The following C20orf144 variants were observed in gnomAD, a reference collection of about 807,000 sequenced individuals.
The protein encoded by C20orf144 is chromosome 20 open reading frame 144, also known as uncharacterized protein C20orf144.
In C20orf144, 8 loss-of-function variants were observed where a neutral mutation model predicts 3.8. That is an observed-to-expected ratio of 2.11 (90% CI 1.24 to 3.80). The LOEUF (loss-of-function observed/expected upper bound fraction) is 3.80. C20orf144 is among the 30% of genes most tolerant of loss of function. The pLI is 0.00. For missense variants in C20orf144, 289 were observed against 224.5 expected, an observed-to-expected ratio of 1.29 and a Z score of -1.83; for synonymous variants, 126 against 104.1, an observed-to-expected ratio of 1.21 and a Z score of -1.28.
Position 33,663,698 on chromosome 20 carries a change from T to A in C20orf144, c.293T>A (p.Leu98Gln). 1.9e-6 allele frequency: 3 copies of A among 1,570,284 alleles called. No homozygotes were observed. Among genetic ancestry groups the A allele is most frequent in the Non-Finnish European group, 2.6e-6 (3 of 1,165,150 alleles). Reference protein sequence around the residue: ...EREPRMPVLLLLRRQEARRPE... With the variant: ...EREPRMPVLLQLRRQEARRPE... Reference sequence around the variant, plus strand: ...GAGCCGAGGATGCCGGTACTGCTGCTGCTGCGGCGGCAAGAGGCGCGGCGG... The same window carrying A: ...GAGCCGAGGATGCCGGTACTGCTGCAGCTGCGGCGGCAAGAGGCGCGGCGG... The change falls in exon 2 of 2, where the codon CTG (leucine) becomes CAG (glutamine). Residue 98 changes from leucine to glutamine, a missense_variant. Physicochemically the swap from Leu to Gln is moderately radical, Grantham distance 113. Coordinates refer to ENST00000375222, the MANE Select transcript of C20orf144 (RefSeq NM_080825.4).
chr20:33,662,747 C>T, intron 1 of C20orf144: 1 of 395,030 alleles, frequency 2.5e-6, no homozygotes, highest in Non-Finnish European at 4.6e-6. Context: ...TGAGATTGGC[C>T]TGGGCAACAT....
At position 33,662,591 on chromosome 20, in the gene C20orf144, G is replaced by A. The variant is rs927229033; in HGVS notation, c.126+120G>A. 7 of 1,193,756 alleles carry A rather than the reference G, an allele frequency of 5.9e-6. No homozygotes were observed. The African/African-American group carries it at 7.7e-5, about 13-fold the overall frequency. 73.9% of individuals were successfully genotyped at this position (1,193,756 alleles called of 1,614,324 possible). On this transcript the variant is annotated intron_variant, in intron 1 of 1. Transcript: ENST00000375222. ...CTTGTATGCAGAAGTCCTAGGGGGTGAGGGAGGAATTCGAAAATCTCTCCC... is the reference window on the plus strand; with the variant it reads ...CTTGTATGCAGAAGTCCTAGGGGGTAAGGGAGGAATTCGAAAATCTCTCCC...
rs2017510116 is a variant in C20orf144, at chr20:33,662,465, G to A, written c.120G>A (p.Lys40=). Residue 40 remains lysine (K), a synonymous_variant, in exon 1 of 2, where the codon AAG becomes AAA. Transcript: ENST00000375222. ...KSFLNHLTRK[K]PATRIVLILP... ...TCCTCAACCACCTCACTCGGAAGAA[G>A]CCGGCTGTGAGGGCGGGGGATGGGG... 6.4e-7 allele frequency: 1 copy of A among 1,551,610 alleles called. No individual in the cohort carries two copies. Among genetic ancestry groups the A allele is most frequent in the African/African-American group, 1.4e-5 (1 of 73,118 alleles).
intron 1 of C20orf144, chr20:33,663,291 G>C (rs1212963289): frequency 1.8e-6 from 1 of 559,194 alleles, no homozygotes; most frequent in Non-Finnish European, 3.1e-6. Flanking sequence ...GTCAGCCTGG[G>C]ATGGATGAGG....
Position 33,663,693 on chromosome 20 carries a change from G to A in C20orf144, c.288G>A (p.Leu96=), listed in dbSNP as rs2017560530. 6.4e-7 allele frequency: 1 copy of A among 1,573,410 alleles called. No individual in the cohort carries two copies. The highest frequency in any genetic ancestry group is 1.1e-5 in the South Asian group (1 of 87,994). ...AGCGCGAGCCGAGGATGCCGGTACT[G>A]CTGCTGCTGCGGCGGCAAGAGGCGC... is the stretch of plus-strand genomic sequence containing the variant. The part of the protein sequence containing the change: ...GSEREPRMPV[L]LLLRRQEARR... The change falls in exon 2 of 2, where the codon CTG becomes CTA. Residue 96 remains leucine (L), a synonymous_variant. Coordinates refer to ENST00000375222, the MANE Select transcript of C20orf144 (RefSeq NM_080825.4).
intron 1 of C20orf144, 29 bp downstream of exon 1, chr20:33,662,500 G>T (rs1211381794): frequency 1.3e-6 from 2 of 1,548,682 alleles, no homozygotes; most frequent in African/African-American, 2.7e-5. Flanking sequence ...GAGCAGGGCT[G>T]GGGAGGCAGC....
intron 1 of C20orf144, 197 bp from the exon 2 acceptor site, chr20:33,663,335 C>A (rs2017541145): frequency 6.8e-6 from 4 of 588,226 alleles, no homozygotes; most frequent in Admixed American, 6.9e-5. Context: ...CGGGGCGCCA[C>A]GCAGGGAAGG....
Position 33,663,831 on chromosome 20 carries a change from G to C in C20orf144, c.426G>C (p.Pro142=). ...AAGCCGGCCCCGCCGAGGAGCAGCC[G>C]CGCAAACGGTGCCGCTGCCCTCGCC... ...PREAGPAEEQ[P]RKRCRCPRPQ... The change falls in exon 2 of 2, where the codon CCG becomes CCC. Residue 142 remains proline (P), a synonymous_variant. Transcript: ENST00000375222. The C allele has an allele frequency of 4.3e-6, 6 of 1,398,864 alleles. No individual in the cohort carries two copies. Among genetic ancestry groups the C allele is most frequent in the Non-Finnish European group, 5.5e-6 (6 of 1,086,664 alleles). The allele number at this position is 1,398,864 out of a possible 1,614,324, so 86.7% of individuals were successfully genotyped here.
At chr20:33,662,936 C>T (rs1334585944) in intron 1 of C20orf144, among the ~76,000 whole-genome samples, 1 of 152,148 alleles carries the variant, frequency 6.6e-6, no homozygotes, top group Non-Finnish European at 1.5e-5. Context: ...CTGTTTGACT[C>T]AGTCTTAAAC....
chr20:33,663,566 GGCAGCCGC>G lies in C20orf144; in HGVS notation c.162_169del (p.Gln55GlyfsTer8). 1 of 1,610,904 alleles carries G rather than the reference GGCAGCCGC, an allele frequency of 6.2e-7. No individual in the cohort carries two copies. Among genetic ancestry groups the G allele is most frequent in the Non-Finnish European group, 8.5e-7 (1 of 1,179,572 alleles). On this transcript the variant is annotated frameshift_variant, in exon 2 of 2. Transcript: ENST00000375222. LOFTEE classifies it low-confidence loss of function (END_TRUNC). ...GTGCTGATTCTCCCCCTGGACAAGC[GGCAGCCGC>G]TGGCCAACGCTGGGCAACGGATTGA...
intron 1 of C20orf144, 61 bp from the exon 2 acceptor site, chr20:33,663,471 C>G: frequency 6.5e-7 from 1 of 1,537,286 alleles, no homozygotes; most frequent in Non-Finnish European, 8.8e-7. Context: ...GCGGAGCGGC[C>G]CCGGGTCGTG....
Position 33,663,529 on chromosome 20 carries a change from C to T in C20orf144, c.127-3C>T. 1 of 1,608,396 alleles carries T rather than the reference C, an allele frequency of 6.2e-7. No homozygotes were observed. The highest frequency in any genetic ancestry group is 8.5e-7 in the Non-Finnish European group (1 of 1,179,084). On this transcript the variant is annotated splice_polypyrimidine_tract_variant and splice_region_variant and intron_variant, in intron 1 of 1. Coordinates refer to ENST00000375222, the MANE Select transcript of C20orf144 (RefSeq NM_080825.4). The stretch of plus-strand genomic sequence containing the variant: ...CCGCCTCACGCCCCTGTTCCACCCC[C>T]AGACCAGGATCGTGCTGATTCTCCC...
intron 1 of C20orf144, chr20:33,662,868 G>T (rs2017525096): frequency 1.0e-5 from 2 of 200,720 alleles, no homozygotes; most frequent in Admixed American, 1.1e-4. Context: ...CAGGAGGTCA[G>T]GGATGCAGTG....
intron 1 of C20orf144, 72 bp from the exon 2 acceptor site, chr20:33,663,460 C>A (rs1002171229): frequency 1.3e-6 from 2 of 1,491,346 alleles, no homozygotes. Context: ...CCAGGAGAAG[C>A]GCGGAGCGGC....
At chr20:33,662,548 G>T (rs1468837769) in intron 1 of C20orf144, 77 bp downstream of exon 1, 2 of 1,480,130 alleles carry the variant, frequency 1.4e-6, no homozygotes, top group Non-Finnish European at 1.8e-6. Context: ...GGTGGGAAGG[G>T]ATGCTGGGAG....
At position 33,662,374 on chromosome 20, in the gene C20orf144, C is replaced by A. The variant is rs768068117; in HGVS notation, c.29C>A (p.Thr10Asn). 3.5e-4 allele frequency: 550 copies of A among 1,551,328 alleles called. No homozygotes were observed. Among genetic ancestry groups the A allele is most frequent in the Non-Finnish European group, 4.6e-4 (528 of 1,147,028 alleles). ...GGAAACTATAGTTCCCACAAAAGGACCAAAGCACCCAAGCAGGCCCGCAAG... is the reference window on the plus strand; with the variant it reads ...GGAAACTATAGTTCCCACAAAAGGAACAAAGCACCCAAGCAGGCCCGCAAG... The part of the protein sequence containing the change: MGNYSSHKR[T>N]KAPKQARKER... Residue 10 changes from threonine (T) to asparagine (N), a missense_variant, in exon 1 of 2, where the codon ACC (threonine) becomes AAC (asparagine). Transcript: ENST00000375222.
Position 33,663,690 on chromosome 20 carries a change from A to ACTG in C20orf144, c.296_298dup (p.Leu99dup), listed in dbSNP as rs755984673. 697 of 1,580,004 alleles carry ACTG rather than the reference A, an allele frequency of 4.4e-4. 1 individual carries two copies. Among genetic ancestry groups the ACTG allele is most frequent in the African/African-American group, 4.4e-3 (321 of 73,700 alleles). ...GCGAGCGCGAGCCGAGGATGCCGGT[A>ACTG]CTGCTGCTGCTGCGGCGGCAAGAGG... On this transcript the variant is annotated inframe_insertion, in exon 2 of 2. Transcript: ENST00000375222.
rs928558901 is a variant in C20orf144 at position 33,663,788 on chromosome 20, C to G, written c.383C>G (p.Pro128Arg). 1 of 1,424,670 alleles carries G rather than the reference C, an allele frequency of 7.0e-7. No individual in the cohort carries two copies. The highest frequency in any genetic ancestry group is 9.1e-7 in the Non-Finnish European group (1 of 1,099,470). 88.3% of individuals were successfully genotyped at this position (1,424,670 alleles called of 1,614,324 possible). ...WPRLLSRFRS[P>R]GKAPREAGPA... ...CGGCTGCTCTCGCGCTTCCGGTCCCCGGGGAAGGCTCCCCGCGAAGCCGGC... is the reference window on the plus strand; with the variant it reads ...CGGCTGCTCTCGCGCTTCCGGTCCCGGGGGAAGGCTCCCCGCGAAGCCGGC... The change falls in exon 2 of 2, where the codon CCG (proline) becomes CGG (arginine). Residue 128 changes from proline to arginine, a missense_variant. Transcript: ENST00000375222.
intron 1 of C20orf144, 84 bp from the exon 2 acceptor site, chr20:33,663,448 T>G: frequency 7.0e-7 from 1 of 1,434,408 alleles, no homozygotes. Flanking sequence ...TGGACGAGGG[T>G]CCCAGGAGAA....
Sources: gnomAD v4.1 joint callset for allele counts (sites outside exome capture counted in the v4.1 genomes callset) on GRCh38, gnomAD v4.1.1 for gene constraint, MANE v1.5 for transcripts, NCBI Gene and HGNC (gene_info 2026-07-23, HGNC 2026-07-21) for gene names.